HHLA2: variants seen among roughly 807,000 people sequenced by gnomAD.
HHLA2 encodes HERV-H LTR-associating protein 2.
Under a neutral mutation model 45.9 loss-of-function variants are expected in HHLA2, and 48 were observed. The observed-to-expected ratio is 1.05, with a 90% confidence interval of 0.83 to 1.33. The LOEUF is 1.33. Among genes scored for constraint, HHLA2 ranks in the 40% most tolerant of loss-of-function variants. The pLI, the probability that HHLA2 is intolerant of heterozygous loss-of-function variation, is 0.00. For synonymous variants in HHLA2, 161 were observed against 173.9 expected, an observed-to-expected ratio of 0.93 and a Z score of 0.59; for missense variants, 462 against 494.3, an observed-to-expected ratio of 0.93 and a Z score of 0.62.
exon 5 of HHLA2, chr3:108,353,456 G>A (rs753383127): frequency 1.3e-6 from 2 of 1,591,512 alleles, no homozygotes; most frequent in Admixed American, 1.8e-5. Context: ...CTTCATTTAT[G>A]TTCCTATGAA....
chr3:108,348,009 T>C (rs916260595), intron 3 of HHLA2, among the ~76,000 whole-genome samples: 1 of 152,090 alleles, frequency 6.6e-6, no homozygotes, highest in Non-Finnish European at 1.5e-5. Context: ...TTAGGGAATC[T>C]AAATGAACAG....
intron 2 of HHLA2, among the ~76,000 whole-genome samples, chr3:108,323,512 T>C (rs1319822910): frequency 2.6e-5 from 4 of 152,230 alleles, no homozygotes; most frequent in African/African-American, 9.6e-5. Flanking sequence ...TAAGCTGCTG[T>C]CTTTACCCAG....
chr3:108,324,962 A>G (rs2081263256), intron 2 of HHLA2, among the ~76,000 whole-genome samples: 1 of 152,110 alleles, frequency 6.6e-6, no homozygotes, highest in Non-Finnish European at 1.5e-5. Flanking sequence ...GGTATTTTAT[A>G]CTTTTCATGG....
intron 8 of HHLA2, among the ~76,000 whole-genome samples, chr3:108,372,740 A>C (rs62266253): frequency 0.04 from 6,114 of 152,178 alleles, 182 homozygotes; most frequent in Non-Finnish European, 0.053. Flanking sequence ...GAAATGGATA[A>C]ATTCCTTGAC....
chr3:108,324,542 G>C (rs1033814867), intron 2 of HHLA2, among the ~76,000 whole-genome samples: 14 of 152,148 alleles, frequency 9.2e-5, no homozygotes, highest in African/African-American at 3.4e-4. Context: ...CTTTCACAAG[G>C]CTCCTTCATG....
At position 108,376,561 on chromosome 3, in the gene HHLA2, A is replaced by C. The variant is rs1396214853; in HGVS notation, c.1224+4A>C. ...CGATAATGGCGAAGAAAATGTGGTA[A>C]GGCATTATTTCCTTTATCAAACCAT... is the stretch of plus-strand genomic sequence containing the variant. On this transcript the variant is annotated splice_donor_region_variant and intron_variant, in intron 10 of 10. Transcript: ENST00000619531. 5.0e-6 allele frequency: 8 copies of C among 1,611,180 alleles called. No homozygotes were observed. Among genetic ancestry groups the C allele is most frequent in the Non-Finnish European group, 6.8e-6 (8 of 1,178,080 alleles).
chr3:108,319,008 A>G (rs17241401), intron 2 of HHLA2, among the ~76,000 whole-genome samples: 10,251 of 152,204 alleles, frequency 0.067, 478 homozygotes, highest in Non-Finnish European at 0.092. Flanking sequence ...GGTAGCTCTA[A>G]GTTCTTTGGC....
In HHLA2 at chr3:108,351,948, G is replaced by A. The variant is rs1043294253; in HGVS notation, c.64+71G>A. 8 of 1,051,148 alleles carry A rather than the reference G, an allele frequency of 7.6e-6. No homozygotes were observed. The African/African-American group carries it at 7.8e-5, about 10-fold the overall frequency. 65.1% of individuals were successfully genotyped at this position (1,051,148 alleles called of 1,614,324 possible). On this transcript the variant is annotated intron_variant, in intron 4 of 10. Coordinates refer to ENST00000619531, the Ensembl canonical transcript of HHLA2. ...TAGAAACATGAGCACACAATGCAAG[G>A]TGGCTATTTCCTCCATAGCCACAGC...
rs189878901 is a variant in HHLA2 at position 108,332,892 on chromosome 3, T to G, written c.-27+4545T>G. Among the ~76,000 whole-genome samples the G allele has an allele frequency of 2.0e-5, 3 of 152,254 alleles. 1 individual carries two copies. The highest frequency in any genetic ancestry group is 1.3e-4 in the Admixed American group (2 of 15,292). On this transcript the variant is annotated intron_variant, in intron 3 of 10. Coordinates refer to ENST00000619531, the Ensembl canonical transcript of HHLA2. ...TTCCCTCAAAACTCCATGGTTTGCTTGTTATTCTGGGTTCCTTTCTGTTGC... is the reference window on the plus strand; with the variant it reads ...TTCCCTCAAAACTCCATGGTTTGCTGGTTATTCTGGGTTCCTTTCTGTTGC...
chr3:108,320,369 C>T (rs1020918857), intron 2 of HHLA2, among the ~76,000 whole-genome samples: 3 of 152,172 alleles, frequency 2.0e-5, no homozygotes, highest in African/African-American at 7.2e-5. Context: ...TTGAATCCTC[C>T]ACCAAGGTTA....
intron 1 of HHLA2, among the ~76,000 whole-genome samples, chr3:108,303,192 C>T (rs1388517089): frequency 6.6e-6 from 1 of 152,126 alleles, no homozygotes. Flanking sequence ...ATTTATGTAT[C>T]AACTCCTTGA....
chr3:108,347,201 C>G (rs959506216), intron 3 of HHLA2, among the ~76,000 whole-genome samples: 2 of 152,230 alleles, frequency 1.3e-5, no homozygotes, highest in Non-Finnish European at 2.9e-5. Flanking sequence ...AACTGCCTCA[C>G]TTAGCTGAAT....
At chr3:108,318,042 G>A (rs1001010259) in intron 2 of HHLA2, among the ~76,000 whole-genome samples, 9 of 151,912 alleles carry the variant, frequency 5.9e-5, no homozygotes, top group Middle Eastern at 3.2e-3. Context: ...TTAGTCAGGC[G>A]TGGTGGCACA....
At chr3:108,311,568 C>T (rs2107312866) in intron 2 of HHLA2, among the ~76,000 whole-genome samples, 1 of 152,112 alleles carries the variant, frequency 6.6e-6, no homozygotes, top group South Asian at 2.1e-4. Context: ...GAGCCAAGCT[C>T]TAGAAAAAGC....
intron 2 of HHLA2, among the ~76,000 whole-genome samples, chr3:108,316,706 C>A (rs1166734748): frequency 6.6e-6 from 1 of 152,214 alleles, no homozygotes; most frequent in Non-Finnish European, 1.5e-5. Context: ...TTTAGGTAAA[C>A]AGCTTTTATT....
chr3:108,354,310 A>G (rs1462976848), intron 5 of HHLA2, among the ~76,000 whole-genome samples: 2 of 152,018 alleles, frequency 1.3e-5, no homozygotes, highest in East Asian at 1.9e-4. Flanking sequence ...ATACAGTTAT[A>G]TACAGTTAAT....
intron 6 of HHLA2, 73 bp downstream of exon 5, chr3:108,355,454 AAAAG>A: frequency 2.0e-6 from 3 of 1,484,778 alleles, no homozygotes; most frequent in African/African-American, 1.4e-5. Flanking sequence ...GATTTGCAAA[AAAAG>A]AAAGGAAGAT....
intron 2 of HHLA2, among the ~76,000 whole-genome samples, chr3:108,313,778 G>C (rs1203121355): frequency 6.6e-6 from 1 of 152,182 alleles, no homozygotes; most frequent in African/African-American, 2.4e-5. Context: ...ATGGAGTAAG[G>C]TCTGACTCTT....
intron 4 of HHLA2, among the ~76,000 whole-genome samples, chr3:108,352,218 T>C (rs1576157478): frequency 6.6e-6 from 1 of 152,302 alleles, no homozygotes; most frequent in East Asian, 1.9e-4. Flanking sequence ...CTAGGTCCTA[T>C]GACAGGCATT....
Sources: allele counts gnomAD v4.1 joint callset (sites outside exome capture counted in the v4.1 genomes callset), GRCh38; gene constraint gnomAD v4.1.1; transcripts MANE v1.5; gene names NCBI Gene and HGNC (gene_info 2026-07-23, HGNC 2026-07-21).